NRXN3: variants seen among roughly 807,000 people sequenced by gnomAD.
NRXN3 encodes neurexin 3.
NRXN3 carries 32 observed loss-of-function variants against 137.6 expected under a neutral mutation model. That is an observed-to-expected ratio of 0.23 (90% CI 0.18 to 0.31). NRXN3 has a LOEUF of 0.31. Among genes scored for constraint, NRXN3 ranks in the 10% least tolerant of loss-of-function variants. The pLI is 1.00. For missense variants in NRXN3, 1,574 were observed against 2,062.5 expected (o/e 0.76, Z 4.59); for synonymous variants, 798 against 784.5 (o/e 1.02, Z -0.29).
At chr14:78,640,394 C>T (rs938623543) in intron 4 of NRXN3, among the ~76,000 whole-genome samples, 2 of 152,094 alleles carry the variant, frequency 1.3e-5, no homozygotes, top group Non-Finnish European at 1.5e-5. Flanking sequence ...ATTTTTTGCC[C>T]TTAAAGCCCA....
chr14:79,291,213 CTA>C (rs2083139414), intron 15 of NRXN3, among the ~76,000 whole-genome samples: 1 of 152,164 alleles, frequency 6.6e-6, no homozygotes, highest in Non-Finnish European at 1.5e-5. Context: ...TAGGAAACCT[CTA>C]TTTTCATAAG....
At chr14:79,138,026 A>G (rs2058418440) in intron 15 of NRXN3, among the ~76,000 whole-genome samples, 1 of 152,250 alleles carries the variant, frequency 6.6e-6, no homozygotes, top group South Asian at 2.1e-4. Context: ...CATTTCTCAG[A>G]AAGAAAATGC....
At chr14:78,255,446 C>A (rs1203954415) in intron 2 of NRXN3, among the ~76,000 whole-genome samples, 1 of 152,190 alleles carries the variant, frequency 6.6e-6, no homozygotes, top group African/African-American at 2.4e-5. Flanking sequence ...ATTTGCTCTT[C>A]CTGATGTTGA....
intron 16 of NRXN3, among the ~76,000 whole-genome samples, 159 bp downstream of exon 16, chr14:79,467,561 G>C (rs2096445332): frequency 6.6e-6 from 1 of 152,034 alleles, no homozygotes; most frequent in Non-Finnish European, 1.5e-5. Flanking sequence ...CAGGGTTCCT[G>C]GGGGAAAAAA....
At chr14:78,880,401 A>G (rs2099125699) in intron 10 of NRXN3, among the ~76,000 whole-genome samples, 1 of 152,140 alleles carries the variant, frequency 6.6e-6, no homozygotes, top group African/African-American at 2.4e-5. Flanking sequence ...ATTGGAACAA[A>G]GAGCCAGAGA....
chr14:78,205,813 G>A (rs1352067693), intron 1 of NRXN3, among the ~76,000 whole-genome samples: 4 of 152,172 alleles, frequency 2.6e-5, no homozygotes, highest in African/African-American at 4.8e-5. Flanking sequence ...TTGTGTGCTC[G>A]AACTGAAATT....
intron 15 of NRXN3, among the ~76,000 whole-genome samples, chr14:79,207,777 T>G (rs566633895): frequency 6.6e-6 from 1 of 152,290 alleles, no homozygotes; most frequent in East Asian, 1.9e-4. Context: ...CTGGGTTTGT[T>G]GATACAGAGG....
chr14:78,811,921 A>G (rs2098914867), intron 10 of NRXN3, among the ~76,000 whole-genome samples: 1 of 152,186 alleles, frequency 6.6e-6, no homozygotes, highest in South Asian at 2.1e-4. Flanking sequence ...GAAATTTGTC[A>G]TGATATTTAG....
At chr14:79,850,541 T>A (rs1603619608) in intron 20 of NRXN3, among the ~76,000 whole-genome samples, 1 of 152,202 alleles carries the variant, frequency 6.6e-6, no homozygotes, top group African/African-American at 2.4e-5. Context: ...TTTGGCATTT[T>A]AAAAATTTTG....
At chr14:79,113,765 A>G (rs1236737718) in intron 15 of NRXN3, among the ~76,000 whole-genome samples, 3 of 152,100 alleles carry the variant, frequency 2.0e-5, no homozygotes, top group Non-Finnish European at 4.4e-5. Flanking sequence ...AACTTTTGAT[A>G]CTCTTAATCA....
At chr14:79,146,172 G>T (rs554831286) in intron 15 of NRXN3, among the ~76,000 whole-genome samples, 72 of 152,182 alleles carry the variant, frequency 4.7e-4, no homozygotes, top group Non-Finnish European at 8.4e-4. Context: ...GATGAAGGAA[G>T]TAGGATTCAG....
intron 15 of NRXN3, among the ~76,000 whole-genome samples, chr14:79,445,169 G>A (rs943886294): frequency 2.6e-5 from 4 of 151,852 alleles, no homozygotes; most frequent in African/African-American, 4.8e-5. Context: ...GTGAAACCCC[G>A]TCTCTACTAA....
intron 10 of NRXN3, among the ~76,000 whole-genome samples, chr14:78,870,614 G>C (rs75513913): frequency 1.3e-5 from 2 of 151,800 alleles, no homozygotes; most frequent in Non-Finnish European, 2.9e-5. Flanking sequence ...GTTACTGAAC[G>C]CTAGATCTTA....
chr14:79,362,747 A>G (rs1230292748), intron 15 of NRXN3, among the ~76,000 whole-genome samples: 1 of 152,236 alleles, frequency 6.6e-6, no homozygotes, highest in Non-Finnish European at 1.5e-5. Flanking sequence ...CATCAGTCCC[A>G]TGGCTGCTGC....
At chr14:78,234,456 G>A (rs2065896301) in intron 1 of NRXN3, among the ~76,000 whole-genome samples, 1 of 152,230 alleles carries the variant, frequency 6.6e-6, no homozygotes, top group Non-Finnish European at 1.5e-5. Context: ...GAGGCATGGA[G>A]TGGATAAGTG....
intron 4 of NRXN3, among the ~76,000 whole-genome samples, chr14:78,533,673 A>G (rs1408976906): frequency 6.6e-6 from 1 of 151,930 alleles, no homozygotes; most frequent in Non-Finnish European, 1.5e-5. Flanking sequence ...GCATTTGCCT[A>G]TTTTCTTAGT....
At chr14:78,320,938 A>C (rs2079271020) in intron 4 of NRXN3, among the ~76,000 whole-genome samples, 1 of 152,012 alleles carries the variant, frequency 6.6e-6, no homozygotes, top group Non-Finnish European at 1.5e-5. Flanking sequence ...CAACATGGTG[A>C]AACCCCGTCT....
chr14:78,269,371 A>G lies in NRXN3; in HGVS notation c.710-9274A>G, dbSNP rs544899657. On this transcript the variant is annotated intron_variant, in intron 2 of 20. Coordinates refer to ENST00000335750, the MANE Select transcript of NRXN3 (RefSeq NM_001330195.2). Reference sequence around the variant, plus strand: ...AGACAAACACTGTGTGATTCCACTTATATGGGGTACCTAGAATGGTCAAGT... The same window carrying G: ...AGACAAACACTGTGTGATTCCACTTGTATGGGGTACCTAGAATGGTCAAGT... Among the ~76,000 whole-genome samples the G allele has an allele frequency of 3.9e-5, 6 of 152,336 alleles. No homozygotes were observed. In the South Asian group the frequency reaches 1.2e-3, roughly 32 times the overall value.
At chr14:79,690,743 A>G (rs1168039751) in intron 17 of NRXN3, among the ~76,000 whole-genome samples, 1 of 152,090 alleles carries the variant, frequency 6.6e-6, no homozygotes, top group Non-Finnish European at 1.5e-5. Context: ...CTCACAACAC[A>G]GAAGGTAGGT....
Sources: gnomAD v4.1 joint callset for allele counts (sites outside exome capture counted in the v4.1 genomes callset) on GRCh38, gnomAD v4.1.1 for gene constraint, MANE v1.5 for transcripts, NCBI Gene and HGNC (gene_info 2026-07-23, HGNC 2026-07-21) for gene names.